Variants in RNFT2 observed in about 807,000 individuals in gnomAD.
RNFT2 encodes the protein ring finger protein, transmembrane 2.
RNFT2 carries 36 observed loss-of-function variants against 53.0 expected under a neutral mutation model. The observed-to-expected ratio is 0.68, with a 90% CI of 0.52 to 0.90. RNFT2 has a LOEUF of 0.90. Ranked by LOEUF, RNFT2 falls within the 40% of genes least tolerant of loss-of-function variation. The pLI, the probability that RNFT2 is intolerant of heterozygous loss-of-function variation, is 0.00. For synonymous variants in RNFT2, 260 were observed against 253.2 expected (o/e 1.03, Z -0.26); for missense variants, 514 against 585.6 (o/e 0.88, Z 1.26).
Position 116,849,431 on chromosome 12 carries a change from C to T in RNFT2, c.1318C>T (p.His440Tyr), listed in dbSNP as rs1241755743. 6.3e-7 allele frequency: 1 copy of T among 1,593,744 alleles called. No homozygotes were observed. Among genetic ancestry groups the T allele is most frequent in the South Asian group, 1.1e-5 (1 of 88,096 alleles). Reference protein sequence around the residue: ...RCWKDGATSAHFQVY With the variant: ...RCWKDGATSAYFQVY The stretch of plus-strand genomic sequence containing the variant: ...CTGGAAGGACGGCGCCACGTCCGCA[C>T]ACTTCCAGGTGTACTAGGACCGAAC... The change falls in exon 11 of 11, where the codon CAC (histidine) becomes TAC (tyrosine). Residue 440 changes from histidine (H) to tyrosine (Y), a missense_variant. Physicochemically the swap from His to Tyr is moderately conservative, Grantham distance 83. Transcript: ENST00000257575.
At chr12:116,796,758 G>A (rs1431653470) in intron 7 of RNFT2, among the ~76,000 whole-genome samples, 6 of 152,174 alleles carry the variant, frequency 3.9e-5, no homozygotes, top group African/African-American at 1.4e-4. Flanking sequence ...CTATGCTGGG[G>A]CAGGTCTGAG....
chr12:116,777,271 T>A (rs1873474002), intron 6 of RNFT2, among the ~76,000 whole-genome samples: 1 of 152,064 alleles, frequency 6.6e-6, no homozygotes, highest in South Asian at 2.1e-4. Context: ...GAAGACAACA[T>A]GAGTTAAGAC....
At chr12:116,838,214 A>G (rs1005072830) in intron 10 of RNFT2, among the ~76,000 whole-genome samples, 2 of 152,164 alleles carry the variant, frequency 1.3e-5, no homozygotes, top group Non-Finnish European at 2.9e-5. Flanking sequence ...ATCTTTTGTT[A>G]TTACAAATAA....
At chr12:116,780,000 G>A (rs188787518) in intron 7 of RNFT2, among the ~76,000 whole-genome samples, 11 of 151,828 alleles carry the variant, frequency 7.2e-5, no homozygotes, top group East Asian at 1.9e-4. Context: ...AATCTGGACC[G>A]AAGCAGGTGG....
chr12:116,819,166 C>T (rs1269187249), intron 7 of RNFT2, among the ~76,000 whole-genome samples: 1 of 152,220 alleles, frequency 6.6e-6, no homozygotes. Context: ...TTTAGGGGAG[C>T]TGATGAGGTC....
At position 116,749,925 on chromosome 12, in the gene RNFT2, A is replaced by T. The variant is rs1437350602; in HGVS notation, c.168A>T (p.Pro56=). Reference sequence around the variant, plus strand: ...GTCTGAAGGCAGAGGCAGCCTCCCCACCAGCGCTCTTCTCGGGCTTATCAG... The same window carrying T: ...GTCTGAAGGCAGAGGCAGCCTCCCCTCCAGCGCTCTTCTCGGGCTTATCAG... The part of the protein sequence containing the change: ...FESLKAEAAS[P]PALFSGLSGS... Residue 56 remains proline, a synonymous_variant, in exon 4 of 11, where the codon CCA becomes CCT. Coordinates refer to ENST00000257575, the MANE Select transcript of RNFT2 (RefSeq NM_001382266.1). 5.7e-6 allele frequency: 9 copies of T among 1,581,630 alleles called. No individual in the cohort carries two copies. Among genetic ancestry groups the T allele is most frequent in the Non-Finnish European group, 7.7e-6 (9 of 1,164,000 alleles).
At chr12:116,833,744 T>G in intron 7 of RNFT2, 48 bp from the exon 8 acceptor site, 1 of 1,604,684 alleles carries the variant, frequency 6.2e-7, no homozygotes, top group Non-Finnish European at 8.5e-7. Context: ...GCTGGGTCCT[T>G]TGGGTCTTTA....
intron 7 of RNFT2, among the ~76,000 whole-genome samples, chr12:116,781,137 G>T (rs909737055): frequency 3.3e-5 from 5 of 152,140 alleles, no homozygotes; most frequent in Non-Finnish European, 7.4e-5. Flanking sequence ...GCTCTGCACT[G>T]ACTAGCTGTG....
At chr12:116,799,201 G>A (rs557704515) in intron 7 of RNFT2, among the ~76,000 whole-genome samples, 36 of 152,274 alleles carry the variant, frequency 2.4e-4, no homozygotes, top group African/African-American at 7.9e-4. Flanking sequence ...TAGAAGCCAC[G>A]CTCCAGTCCT....
chr12:116,761,391 G>T (rs187050542), intron 5 of RNFT2, among the ~76,000 whole-genome samples: 1 of 152,086 alleles, frequency 6.6e-6, no homozygotes, highest in Non-Finnish European at 1.5e-5. Flanking sequence ...CCGGTAATCC[G>T]CACACCTTGG....
At chr12:116,836,878 C>G (rs1019362144) in intron 10 of RNFT2, among the ~76,000 whole-genome samples, 1 of 151,684 alleles carries the variant, frequency 6.6e-6, no homozygotes, top group African/African-American at 2.4e-5. Flanking sequence ...TGCAGTGAGC[C>G]GAGGTCATGC....
intron 7 of RNFT2, among the ~76,000 whole-genome samples, chr12:116,802,715 T>C (rs1874857249): frequency 6.6e-6 from 1 of 152,206 alleles, no homozygotes; most frequent in African/African-American, 2.4e-5. Flanking sequence ...TTTGGACTTC[T>C]GGCCTCCAGA....
chr12:116,823,987 T>TCTGACTCC (rs1312544463), intron 7 of RNFT2, among the ~76,000 whole-genome samples: 2 of 152,084 alleles, frequency 1.3e-5, no homozygotes, highest in Non-Finnish European at 2.9e-5. Flanking sequence ...GAATTCAAAT[T>TCTGACTCC]CAGGTCATCT....
chr12:116,790,501 G>A (rs1874182586), intron 7 of RNFT2, among the ~76,000 whole-genome samples: 1 of 152,208 alleles, frequency 6.6e-6, no homozygotes, highest in African/African-American at 2.4e-5. Context: ...CGCAAACCTT[G>A]CAGTAACAAA....
chr12:116,745,324 A>G (rs1466553103), intron 3 of RNFT2, among the ~76,000 whole-genome samples: 1 of 151,952 alleles, frequency 6.6e-6, no homozygotes, highest in Non-Finnish European at 1.5e-5. Context: ...ATAGGCATGC[A>G]CCACCATGCC....
intron 5 of RNFT2, among the ~76,000 whole-genome samples, chr12:116,757,754 C>T (rs1872565915): frequency 6.6e-6 from 1 of 152,118 alleles, no homozygotes; most frequent in Admixed American, 6.5e-5. Context: ...TATAGTCTAT[C>T]TTGGAGAAAG....
intron 7 of RNFT2, among the ~76,000 whole-genome samples, chr12:116,789,817 AGTGGATGG>A (rs1231974045): frequency 4.6e-5 from 6 of 131,748 alleles, no homozygotes; most frequent in Non-Finnish European, 1.6e-5. Context: ...ATGGAAGGAG[AGTGGATGG>A]GTGGATGGGT....
chr12:116,795,760 CT>C (rs2137142131), intron 7 of RNFT2, among the ~76,000 whole-genome samples: 1 of 152,252 alleles, frequency 6.6e-6, no homozygotes, highest in South Asian at 2.1e-4. Context: ...TACAAGTCCC[CT>C]GTTCAGGGAG....
chr12:116,824,347 T>C (rs1340461700), intron 7 of RNFT2, among the ~76,000 whole-genome samples: 1 of 152,252 alleles, frequency 6.6e-6, no homozygotes, highest in African/African-American at 2.4e-5. Flanking sequence ...CTTGGTCACC[T>C]ACTGAGTCCC....
Sources: gnomAD v4.1 joint callset for allele counts (sites outside exome capture counted in the v4.1 genomes callset) on GRCh38, gnomAD v4.1.1 for gene constraint, MANE v1.5 for transcripts, NCBI Gene and HGNC (gene_info 2026-07-23, HGNC 2026-07-21) for gene names.